Variants in CMC1 observed in about 807,000 individuals in gnomAD.
CMC1 encodes COX assembly mitochondrial protein homolog.
In CMC1, 14 loss-of-function variants were observed where a neutral mutation model predicts 14.1. The observed-to-expected ratio is 0.99, with a 90% CI of 0.66 to 1.55. CMC1 has a LOEUF of 1.55. Among genes scored for constraint, CMC1 ranks in the 40% most tolerant of loss-of-function variants. CMC1 has a pLI of 0.00. For synonymous variants in CMC1, 50 were observed against 38.4 expected (o/e 1.30, Z -1.12); for missense variants, 127 against 123.8 (o/e 1.03, Z -0.12).
intron 2 of CMC1, among the ~76,000 whole-genome samples, chr3:28,309,137 C>T (rs992026502): frequency 6.6e-6 from 1 of 152,028 alleles, no homozygotes; most frequent in African/African-American, 2.4e-5. Flanking sequence ...TTTCTCCTAG[C>T]GTTAAGTGTT....
chr3:28,285,397 C>G (rs1701119605), intron 2 of CMC1, among the ~76,000 whole-genome samples: 1 of 151,196 alleles, frequency 6.6e-6, no homozygotes, highest in Non-Finnish European at 1.5e-5. Context: ...ATGTAAAAGT[C>G]TTATTTGGGT....
intron 2 of CMC1, among the ~76,000 whole-genome samples, chr3:28,299,017 A>G (rs1032301500): frequency 3.3e-5 from 5 of 152,094 alleles, no homozygotes; most frequent in African/African-American, 1.2e-4. Flanking sequence ...ATAAAACTGT[A>G]TTCCTAACTA....
In CMC1 at chr3:28,323,937, G is replaced by A. The variant is rs959146871; in HGVS notation, c.*4308G>A. The A allele has an allele frequency of 8.1e-6, 11 of 1,354,916 alleles. No individual in the cohort carries two copies. The African/African-American group carries it at 1.6e-4, about 20-fold the overall frequency. 83.9% of individuals were successfully genotyped at this position (1,354,916 alleles called of 1,614,324 possible). ...TCAAATATAGATACTGAAGACCTCT[G>A]CAAAATTTTAATCAAAATCTCCTTT... On this transcript the variant is annotated 3_prime_UTR_variant, in exon 4 of 4. Transcript: ENST00000466830.
chr3:28,244,725 C>CAA (rs558381085), intron 1 of CMC1, among the ~76,000 whole-genome samples: 11 of 115,884 alleles, frequency 9.5e-5, no homozygotes, highest in African/African-American at 2.5e-4. Flanking sequence ...GACTTCGTCT[C>CAA]AAAAAAAAAA....
chr3:28,280,491 T>A (rs1700831801), intron 2 of CMC1, among the ~76,000 whole-genome samples: 1 of 152,162 alleles, frequency 6.6e-6, no homozygotes, highest in Non-Finnish European at 1.5e-5. Context: ...TAATGTATAG[T>A]GTTGACAAGA....
In CMC1 at chr3:28,257,663, C is replaced by T. The variant is rs555985766; in HGVS notation, c.20-5628C>T. Among the ~76,000 whole-genome samples the T allele has an allele frequency of 1.3e-4, 20 of 152,128 alleles. No homozygotes were observed. In the East Asian group the frequency reaches 2.5e-3, roughly 19 times the overall value. On this transcript the variant is annotated intron_variant, in intron 1 of 3. Transcript: ENST00000466830. ...CCTCCCGAATGGCTGGGACTTTAGG[C>T]GCACGCCACCATGCCCAGCTAATTT...
chr3:28,324,476 A>T lies in CMC1; in HGVS notation c.*4847A>T. 1 of 1,436,754 alleles carries T rather than the reference A, an allele frequency of 7.0e-7. No individual in the cohort carries two copies. The highest frequency in any genetic ancestry group is 9.2e-7 in the Non-Finnish European group (1 of 1,087,322). The allele number at this position is 1,436,754 out of a possible 1,614,324, so 89.0% of individuals were successfully genotyped here. On this transcript the variant is annotated 3_prime_UTR_variant, in exon 4 of 4. Transcript: ENST00000466830. ...CAGGCTAAAAAGAAAACACAGACTA[A>T]ATGTCAGTTTTCATTACATTTGTGA...
intron 1 of CMC1, among the ~76,000 whole-genome samples, chr3:28,247,336 T>G (rs1177385467): frequency 6.6e-6 from 1 of 151,936 alleles, no homozygotes; most frequent in Non-Finnish European, 1.5e-5. Flanking sequence ...AAAAAACCCT[T>G]AAGAGAGTAA....
chr3:28,305,142 A>G (rs1702241609), intron 2 of CMC1, among the ~76,000 whole-genome samples: 2 of 152,054 alleles, frequency 1.3e-5, no homozygotes, highest in South Asian at 2.1e-4. Context: ...TTGTCCCTGC[A>G]TACCCATTGT....
chr3:28,299,583 C>G (rs1189946205), intron 2 of CMC1, among the ~76,000 whole-genome samples: 1 of 151,994 alleles, frequency 6.6e-6, no homozygotes, highest in Non-Finnish European at 1.5e-5. Context: ...AAGTAGCAAG[C>G]TAATAAATCA....
chr3:28,303,374 G>A (rs968884122), intron 2 of CMC1, among the ~76,000 whole-genome samples: 3 of 152,108 alleles, frequency 2.0e-5, no homozygotes, highest in African/African-American at 7.2e-5. Context: ...TATGTTCCTA[G>A]TGTTTTAACT....
intron 1 of CMC1, among the ~76,000 whole-genome samples, chr3:28,248,174 G>T (rs1454633546): frequency 6.6e-6 from 1 of 152,094 alleles, no homozygotes; most frequent in Non-Finnish European, 1.5e-5. Flanking sequence ...AATAATTGGA[G>T]AAATAAAGAA....
intron 1 of CMC1, among the ~76,000 whole-genome samples, chr3:28,259,471 TC>T (rs1373954244): frequency 6.6e-6 from 1 of 152,170 alleles, no homozygotes; most frequent in African/African-American, 2.4e-5. Flanking sequence ...TGGGACAGGC[TC>T]CTATAATTAA....
chr3:28,288,961 A>G (rs1312592194), intron 2 of CMC1, among the ~76,000 whole-genome samples: 1 of 151,724 alleles, frequency 6.6e-6, no homozygotes, highest in African/African-American at 2.4e-5. Context: ...TTAAAAATAT[A>G]TAATATGAAA....
At chr3:28,288,884 A>T (rs1421926887) in intron 2 of CMC1, among the ~76,000 whole-genome samples, 1 of 151,664 alleles carries the variant, frequency 6.6e-6, no homozygotes, top group Non-Finnish European at 1.5e-5. Context: ...TTGCAAGTAA[A>T]TGAAAAAGTG....
chr3:28,261,506 A>T (rs1260046600), intron 1 of CMC1, among the ~76,000 whole-genome samples: 1 of 152,128 alleles, frequency 6.6e-6, no homozygotes, highest in Non-Finnish European at 1.5e-5. Flanking sequence ...GTAATTTTGG[A>T]AGTAAATCCT....
chr3:28,324,110 G>A lies in CMC1; in HGVS notation c.*4481G>A. On this transcript the variant is annotated 3_prime_UTR_variant, in exon 4 of 4. Coordinates refer to ENST00000466830, the MANE Select transcript of CMC1 (RefSeq NM_182523.2). ...TGCAGTGGTGGAAGGTTGGGTAAAG[G>A]CAAAGTTTTAGTTTTAGTTTCCCCA... is the stretch of plus-strand genomic sequence containing the variant. 6.2e-7 allele frequency: 1 copy of A among 1,610,254 alleles called. No individual in the cohort carries two copies. The highest frequency in any genetic ancestry group is 8.5e-7 in the Non-Finnish European group (1 of 1,177,412).
intron 2 of CMC1, among the ~76,000 whole-genome samples, chr3:28,308,986 AAAAAT>A (rs1456071375): frequency 6.3e-5 from 3 of 47,794 alleles, no homozygotes; most frequent in Admixed American, 2.8e-4. Context: ...CGTCTCAAAA[AAAAAT>A]AAATAAATAA....
chr3:28,306,668 G>C (rs1702329136), intron 2 of CMC1, among the ~76,000 whole-genome samples: 1 of 144,674 alleles, frequency 6.9e-6, no homozygotes, highest in African/African-American at 2.6e-5. Context: ...TTTTGAGACA[G>C]AGTCTTGCTC....
Sources: gnomAD v4.1 joint callset for allele counts (sites outside exome capture counted in the v4.1 genomes callset) on GRCh38, gnomAD v4.1.1 for gene constraint, MANE v1.5 for transcripts, NCBI Gene and HGNC (gene_info 2026-07-23, HGNC 2026-07-21) for gene names.